Variants in SLC5A6 observed in about 807,000 individuals in gnomAD.
The protein encoded by SLC5A6 is sodium-dependent multivitamin transporter.
Under a neutral mutation model 67.9 loss-of-function variants are expected in SLC5A6, and 31 were observed. The observed-to-expected ratio is 0.46, with a 90% confidence interval of 0.34 to 0.62. SLC5A6 has a LOEUF of 0.62. SLC5A6 is among the 20% of genes least tolerant of loss of function. The pLI is 0.01. For synonymous variants in SLC5A6, 343 were observed against 331.0 expected (o/e 1.04, Z -0.39); for missense variants, 673 against 812.8 (o/e 0.83, Z 2.09).
chr2:27,209,485 A>C (rs978519020), intron 2 of SLC5A6, among the ~76,000 whole-genome samples: 1 of 152,210 alleles, frequency 6.6e-6, no homozygotes, highest in Non-Finnish European at 1.5e-5. Context: ...GAAAACTGAG[A>C]GATTAAATAA....
Position 27,201,770 on chromosome 2 carries a change from G to A in SLC5A6, c.1440C>T (p.Gly480=). The stretch of plus-strand genomic sequence containing the variant: ...TAGAGGGAGAGGGTGGCATGCTGGA[G>A]CCCATGCTGGTCACGATGCTCCCGA... ...IGIGSIVTSM[G]SSMPPSPSNG... is the part of the protein sequence containing the mutation. Residue 480 remains glycine (G), a synonymous_variant, in exon 14 of 17, where the codon GGC becomes GGT. Transcript: ENST00000310574. 1 of 1,614,110 alleles carries A rather than the reference G, an allele frequency of 6.2e-7. No homozygotes were observed. Among genetic ancestry groups the A allele is most frequent in the African/African-American group, 1.3e-5 (1 of 75,044 alleles).
Position 27,202,794 on chromosome 2 carries a change from T to G in SLC5A6, c.1275+19A>C. ...CCTTCTCTCCCTTAAAATTGCTTCC[T>G]ACCCTCTATAGTTATTACCTGCAGC... is the stretch of plus-strand genomic sequence containing the variant. On this transcript the variant is annotated intron_variant, in intron 12 of 16. Coordinates refer to ENST00000310574, the MANE Select transcript of SLC5A6 (RefSeq NM_021095.4). The G allele has an allele frequency of 6.2e-7, 1 of 1,608,604 alleles. No individual in the cohort carries two copies.
At chr2:27,211,976 T>TGCCCGCCCCCC in intron 1 of SLC5A6, 44 bp downstream of exon 1, 1 of 415,020 alleles carries the variant, frequency 2.4e-6, no homozygotes. Flanking sequence ...CCCCGCCCCC[T>TGCCCGCCCCCC]GCCCGCCCCC....
At chr2:27,205,322 C>T (rs192739253) in intron 7 of SLC5A6, 28 bp downstream of exon 7, 1 of 1,609,898 alleles carries the variant, frequency 6.2e-7, no homozygotes, top group Non-Finnish European at 8.5e-7. Flanking sequence ...GCACTGCAGA[C>T]CCCAGCCAGG....
At chr2:27,203,923 G>A (rs370425556) in intron 9 of SLC5A6, 56 bp from the exon 10 acceptor site, 35 of 1,303,690 alleles carry the variant, frequency 2.7e-5, no homozygotes, top group African/African-American at 5.8e-5. Context: ...TCCCAGGGCC[G>A]GCTCTGCAGG....
chr2:27,206,494 G>A lies in SLC5A6; in HGVS notation c.500C>T (p.Ala167Val), dbSNP rs1674077322. ...MGVVLYAPSL[A>V]LNAVTGFDLW... ...GTGTGACTCCTCACCTGCATTGAGA[G>A]CCAATGACGGAGCATAGAGCACAAC... The change falls in exon 5 of 17, where the codon GCT becomes GTT. Residue 167 changes from alanine to valine, a missense_variant. Transcript: ENST00000310574. 2 of 1,613,982 alleles carry A rather than the reference G, an allele frequency of 1.2e-6. No homozygotes were observed. Among genetic ancestry groups the A allele is most frequent in the African/African-American group, 1.3e-5 (1 of 74,950 alleles).
In SLC5A6 at chr2:27,212,086, C is replaced by A; in HGVS notation, c.-274G>T. ...CCTCGGCGTCCGGACGCGGGGAACA[C>A]CGGGCTGAGGGAGTCTGCAGTCGGC... On this transcript the variant is annotated 5_prime_UTR_variant, in exon 1 of 17. Coordinates refer to ENST00000310574, the MANE Select transcript of SLC5A6 (RefSeq NM_021095.4). The A allele has an allele frequency of 7.3e-7, 1 of 1,366,404 alleles. No individual in the cohort carries two copies. Among genetic ancestry groups the A allele is most frequent in the Non-Finnish European group, 9.7e-7 (1 of 1,029,382 alleles). The allele number at this position is 1,366,404 out of a possible 1,614,324, so 84.6% of individuals were successfully genotyped here.
intron 2 of SLC5A6, among the ~76,000 whole-genome samples, chr2:27,210,622 T>C (rs1370043523): frequency 6.6e-6 from 1 of 151,448 alleles, no homozygotes; most frequent in East Asian, 1.9e-4. Context: ...TTTTGTATTT[T>C]TAGTAGAGAC....
At chr2:27,212,610 C>T (rs1572409008), upstream of SLC5A6, 1 of 1,432,212 alleles carries the variant, frequency 7.0e-7, no homozygotes, top group African/African-American at 1.5e-5. Flanking sequence ...CCAGCCAGGT[C>T]CTGTTCCCAA....
rs755231130 is a variant in SLC5A6 at position 27,207,575 on chromosome 2, T to C, written c.76A>G (p.Ile26Val). Residue 26 changes from isoleucine (I) to valine (V), a missense_variant, in exon 3 of 17, where the codon ATC becomes GTC. By Grantham distance (29) the Ile-to-Val change is conservative. Transcript: ENST00000310574. The surrounding 1 kb of genome is among the most constrained non-coding windows in gnomAD (Gnocchi z 5.5). ...AGGACGAACACCACATAGTCCATGA[T>C]GGAGAAGGTAGACATGCCCACGCTT... ...GTSVGMSTFS[I>V]MDYVVFVLLL... 6.2e-6 allele frequency: 10 copies of C among 1,614,088 alleles called. No homozygotes were observed. The highest frequency in any genetic ancestry group is 2.5e-6 in the Non-Finnish European group (3 of 1,180,034).
At chr2:27,200,904 G>T in intron 16 of SLC5A6, 94 bp downstream of exon 16, 1 of 802,800 alleles carries the variant, frequency 1.2e-6, no homozygotes, top group Non-Finnish European at 2.0e-6. Context: ...GGCACCCGGG[G>T]CAGGGGGAGA....
intron 2 of SLC5A6, among the ~76,000 whole-genome samples, chr2:27,210,904 G>A (rs1674437492): frequency 6.6e-6 from 1 of 152,118 alleles, no homozygotes; most frequent in South Asian, 2.1e-4. Flanking sequence ...GGCGCCTGTA[G>A]TCCCAGCTAC....
chr2:27,201,307 TA>T, intron 15 of SLC5A6, 42 bp downstream of exon 15: 1 of 1,355,912 alleles, frequency 7.4e-7, no homozygotes, highest in Non-Finnish European at 1.1e-6. Flanking sequence ...GGCCCTCTGT[TA>T]ACCCCTCGGT....
Position 27,202,076 on chromosome 2 carries a change from TAGG to T in SLC5A6, c.1276-5_1276-3del, listed in dbSNP as rs559690617. The T allele has an allele frequency of 4.3e-6, 7 of 1,610,890 alleles. No individual in the cohort carries two copies. The highest frequency in any genetic ancestry group is 3.3e-5 in the South Asian group (3 of 91,020). On this transcript the variant is annotated splice_polypyrimidine_tract_variant and splice_region_variant and intron_variant, in intron 12 of 16. Coordinates refer to ENST00000310574, the MANE Select transcript of SLC5A6 (RefSeq NM_021095.4). Reference sequence around the variant, plus strand: ...CATGCCAAAGATGCTGATTGCTGCCTAGGAGGACAGGGTGAGAAGAAAAGGAAA... The same window carrying T: ...CATGCCAAAGATGCTGATTGCTGCCTAGGACAGGGTGAGAAGAAAAGGAAA...
intron 2 of SLC5A6, among the ~76,000 whole-genome samples, chr2:27,209,366 A>G (rs1674299649): frequency 6.6e-6 from 1 of 152,262 alleles, no homozygotes; most frequent in Admixed American, 6.5e-5. Flanking sequence ...TATGTAACCC[A>G]GCAGTGTGTG....
chr2:27,212,345 A>G (rs369544433), upstream of SLC5A6: 5 of 1,549,694 alleles, frequency 3.2e-6, no homozygotes, highest in Admixed American at 5.9e-5. Flanking sequence ...TCGCGCGAGC[A>G]GCGGAGCACC....
At position 27,212,203 on chromosome 2, in the gene SLC5A6, C is replaced by G; in HGVS notation, c.-391G>C. On this transcript the variant is annotated 5_prime_UTR_variant, in exon 1 of 17. It removes an upstream start codon present in the reference 5' UTR. Transcript: ENST00000310574. ...GTATCCCCGAAAGAGGGCTAGGGCG[C>G]ATGAAGACCAGCGCAGAGCTCCACG... 6.4e-7 allele frequency: 1 copy of G among 1,554,944 alleles called. No homozygotes were observed. The highest frequency in any genetic ancestry group is 1.4e-5 in the African/African-American group (1 of 73,562).
rs570072396 is a variant in SLC5A6 at position 27,205,007 on chromosome 2, A to G, written c.735-76T>C. On this transcript the variant is annotated intron_variant, in intron 7 of 16. Coordinates refer to ENST00000310574, the MANE Select transcript of SLC5A6 (RefSeq NM_021095.4). Reference sequence around the variant, plus strand: ...TCCTGCCCTCTTGGCAACAGGAGTCAGTGGACAGGAAAGGAGAGACACCAC... The same window carrying G: ...TCCTGCCCTCTTGGCAACAGGAGTCGGTGGACAGGAAAGGAGAGACACCAC... 9.6e-6 allele frequency: 15 copies of G among 1,567,584 alleles called. No homozygotes were observed. The African/African-American group carries it at 2.0e-4, about 21-fold the overall frequency.
intron 2 of SLC5A6, among the ~76,000 whole-genome samples, chr2:27,210,436 C>A (rs576612061): frequency 2.6e-5 from 4 of 151,730 alleles, no homozygotes; most frequent in East Asian, 1.9e-4. Context: ...GGACCCCCCC[C>A]CCTTTTTTTT....
Sources: gnomAD v4.1 joint callset for allele counts (sites outside exome capture counted in the v4.1 genomes callset) on GRCh38, gnomAD v4.1.1 for gene constraint, Gnocchi (gnomAD v3.1) non-coding constraint, MANE v1.5 for transcripts, NCBI Gene and HGNC (gene_info 2026-07-23, HGNC 2026-07-21) for gene names.